The following FSTL5 variants were observed in gnomAD, a reference collection of about 807,000 sequenced individuals.
FSTL5 encodes the protein follistatin-related protein 5.
In FSTL5, 62 loss-of-function variants were observed where a neutral mutation model predicts 89.1. That is an observed-to-expected ratio of 0.70 (90% CI 0.57 to 0.86). The LOEUF (loss-of-function observed/expected upper bound fraction) is 0.86, where lower values mean the gene tolerates loss of function less well. Among genes scored for constraint, FSTL5 ranks in the 40% least tolerant of loss-of-function variants. The probability of loss-of-function intolerance (pLI) is 0.00; values close to 1 mark genes in which losing one functional copy is unlikely to be tolerated. For synonymous variants in FSTL5, 383 were observed against 346.2 expected, an observed-to-expected ratio of 1.11 and a Z score of -1.18; for missense variants, 1,057 against 1,001.6, an observed-to-expected ratio of 1.06 and a Z score of -0.75.
At chr4:162,090,545 G>A (rs1289640010) in intron 2 of FSTL5, among the ~76,000 whole-genome samples, 12 of 152,044 alleles carry the variant, frequency 7.9e-5, no homozygotes, top group Non-Finnish European at 2.9e-5. Flanking sequence ...TCAAGGCCGG[G>A]TGCGGTGACT....
intron 8 of FSTL5, among the ~76,000 whole-genome samples, chr4:161,545,762 C>T (rs1361315626): frequency 6.6e-6 from 1 of 151,842 alleles, no homozygotes; most frequent in East Asian, 1.9e-4. Context: ...CCCCCCAGTG[C>T]CTGACAGTCA....
chr4:161,992,571 G>A (rs906889628), intron 3 of FSTL5, among the ~76,000 whole-genome samples: 1 of 151,782 alleles, frequency 6.6e-6, no homozygotes, highest in African/African-American at 2.4e-5. Flanking sequence ...AGCAGGGCGC[G>A]GTGGTTCACG....
chr4:161,452,963 T>C (rs1456394630), intron 15 of FSTL5, among the ~76,000 whole-genome samples: 1 of 152,194 alleles, frequency 6.6e-6, no homozygotes, highest in East Asian at 1.9e-4. Context: ...AAATTAGTAT[T>C]AGCTCCAACT....
chr4:161,598,075 A>G (rs1734092203), intron 7 of FSTL5, among the ~76,000 whole-genome samples: 1 of 152,184 alleles, frequency 6.6e-6, no homozygotes, highest in Non-Finnish European at 1.5e-5. Context: ...TTCAATTAAT[A>G]AAAATCAACT....
intron 3 of FSTL5, among the ~76,000 whole-genome samples, chr4:161,952,959 T>C (rs1734937703): frequency 1.3e-5 from 2 of 151,762 alleles, no homozygotes; most frequent in African/African-American, 4.8e-5. Context: ...TAAGCATACA[T>C]TAAATTATAT....
At chr4:161,590,860 T>C (rs1396646042) in intron 7 of FSTL5, among the ~76,000 whole-genome samples, 1 of 152,198 alleles carries the variant, frequency 6.6e-6, no homozygotes, top group African/African-American at 2.4e-5. Context: ...CTAAACTAAG[T>C]TACTTAGGAC....
chr4:162,046,970 G>C (rs1248376093), intron 2 of FSTL5, among the ~76,000 whole-genome samples: 1 of 152,044 alleles, frequency 6.6e-6, no homozygotes, highest in Non-Finnish European at 1.5e-5. Context: ...GCCTTATCTA[G>C]TAATATAAAT....
At chr4:161,656,641 T>G in intron 6 of FSTL5, 147 bp from the exon 7 acceptor site, 1 of 463,366 alleles carries the variant, frequency 2.2e-6, no homozygotes, top group Non-Finnish European at 3.6e-6. Context: ...AGAAAATTGT[T>G]TCCAATAAAA....
At chr4:161,814,092 A>T (rs143139001) in intron 4 of FSTL5, among the ~76,000 whole-genome samples, 154 of 152,270 alleles carry the variant, frequency 1.0e-3, no homozygotes, top group African/African-American at 3.6e-3. Flanking sequence ...TGAGAGGGAA[A>T]GAGAGTAAAA....
At position 161,438,961 on chromosome 4, in the gene FSTL5, GT is replaced by G. The variant is rs557713642; in HGVS notation, c.1841+16042del. ...GTGAGTACAAATATTGATGATTATA[GT>G]TTTTTTTTTTTAACACATTGACAAC... On this transcript the variant is annotated intron_variant, in intron 15 of 15. Transcript: ENST00000306100. Among the ~76,000 whole-genome samples the G allele has an allele frequency of 8.0e-3, 1,171 of 145,772 alleles. 10 individuals carry two copies. Among genetic ancestry groups the G allele is most frequent in the African/African-American group, 0.026 (1,036 of 40,028 alleles).
At chr4:161,899,670 C>G (rs1733287889) in intron 4 of FSTL5, among the ~76,000 whole-genome samples, 1 of 152,126 alleles carries the variant, frequency 6.6e-6, no homozygotes, top group African/African-American at 2.4e-5. Flanking sequence ...CCCTGATCCC[C>G]TGAAATGCCA....
chr4:161,418,292 G>A (rs145915068), intron 15 of FSTL5, among the ~76,000 whole-genome samples: 1,685 of 152,106 alleles, frequency 0.011, 14 homozygotes, highest in Admixed American at 0.017. Context: ...GAATTAGTGC[G>A]TTAGAAAATA....
chr4:161,525,838 T>C (rs530156730), intron 10 of FSTL5, among the ~76,000 whole-genome samples: 59 of 152,288 alleles, frequency 3.9e-4, no homozygotes, highest in Admixed American at 3.3e-3. Flanking sequence ...TTTGGTATTA[T>C]AGTGGATGTG....
chr4:161,473,393 TAATA>T (rs1734017206), intron 13 of FSTL5, among the ~76,000 whole-genome samples: 1 of 151,428 alleles, frequency 6.6e-6, no homozygotes, highest in African/African-American at 2.4e-5. Context: ...ATTTTTTTAT[TAATA>T]AATTATCTCC....
chr4:161,803,668 A>G (rs1451057570), intron 4 of FSTL5, among the ~76,000 whole-genome samples: 1 of 151,990 alleles, frequency 6.6e-6, no homozygotes, highest in Non-Finnish European at 1.5e-5. Context: ...GTAAGTTTGC[A>G]CAGATGTTTT....
At chr4:161,585,929 C>A (rs991624098) in intron 8 of FSTL5, among the ~76,000 whole-genome samples, 1 of 152,188 alleles carries the variant, frequency 6.6e-6, no homozygotes, top group Non-Finnish European at 1.5e-5. Flanking sequence ...GCTTTCTTCC[C>A]TGGTTTCATT....
At chr4:161,717,025 G>T (rs1318625831) in intron 6 of FSTL5, among the ~76,000 whole-genome samples, 3 of 152,140 alleles carry the variant, frequency 2.0e-5, no homozygotes, top group Non-Finnish European at 2.9e-5. Flanking sequence ...TACAAATATT[G>T]TTGGTTTTTA....
intron 4 of FSTL5, among the ~76,000 whole-genome samples, chr4:161,865,873 TGG>T (rs1327124144): frequency 1.3e-5 from 2 of 152,226 alleles, no homozygotes; most frequent in Non-Finnish European, 2.9e-5. Flanking sequence ...GAATATTTAG[TGG>T]ACTTCTCTTT....
chr4:161,798,555 C>T (rs1374043271), intron 4 of FSTL5, among the ~76,000 whole-genome samples: 1 of 151,282 alleles, frequency 6.6e-6, no homozygotes, highest in East Asian at 1.9e-4. Context: ...TGGTCTACAT[C>T]TGTGGTTCTC....
Sources: gnomAD v4.1 joint callset for allele counts (sites outside exome capture counted in the v4.1 genomes callset) on GRCh38, gnomAD v4.1.1 for gene constraint, MANE v1.5 for transcripts, NCBI Gene and HGNC (gene_info 2026-07-23, HGNC 2026-07-21) for gene names.